The following ALX4 variants were observed in gnomAD, a reference collection of about 807,000 sequenced individuals.
ALX4 encodes the protein ALX homeobox 4.
A neutral mutation model predicts 40.6 loss-of-function variants in ALX4; 22 were observed. That is an observed-to-expected ratio of 0.54 (90% CI 0.39 to 0.77). The LOEUF (loss-of-function observed/expected upper bound fraction) is 0.77. Ranked by LOEUF, ALX4 falls within the 30% of genes least tolerant of loss-of-function variation. ALX4 has a pLI of 0.00. For missense variants in ALX4, 556 were observed against 564.8 expected (o/e 0.98, Z 0.16); for synonymous variants, 266 against 240.5 (o/e 1.11, Z -0.98).
In ALX4 at chr11:44,297,009, C is replaced by CA. The variant is rs60856634; in HGVS notation, c.466+12587dup. 1.1e-3 allele frequency among the ~76,000 whole-genome samples: 93 copies of CA among 86,858 alleles called. 1 individual carries two copies. The highest frequency in any genetic ancestry group is 6.1e-3 in the East Asian group (16 of 2,610). 57.0% of individuals were successfully genotyped at this position (86,858 alleles called of 152,430 possible). ...GGGCAACAAGAGTGAAACTCTGTCT[C>CA]AAAAAAAAAAAAAAAAAAAAAAGGT... On this transcript the variant is annotated intron_variant, in intron 1 of 3. Coordinates refer to ENST00000652299, the MANE Select transcript of ALX4 (RefSeq NM_021926.4).
In ALX4 at chr11:44,275,253, G is replaced by A. The variant is rs574004169; in HGVS notation, c.777+95C>T. ...GAACTGAGGAAAGGAAAGCCATGGT[G>A]TGGTTGGTGGGCAGTCAGGAGACCC... On this transcript the variant is annotated intron_variant, in intron 2 of 3. Transcript: ENST00000652299. 4.0e-3 allele frequency: 5,172 copies of A among 1,282,734 alleles called. 18 individuals are homozygous for A. Among genetic ancestry groups the A allele is most frequent in the Non-Finnish European group, 4.7e-3 (4,149 of 886,808 alleles). The allele number at this position is 1,282,734 out of a possible 1,614,324, so 79.5% of individuals were successfully genotyped here. A position where few individuals can be genotyped will look rare whatever the true frequency, so the allele number is the denominator to read the frequency against.
intron 2 of ALX4, among the ~76,000 whole-genome samples, chr11:44,271,195 G>A (rs1191770867): frequency 6.6e-6 from 1 of 152,102 alleles, no homozygotes; most frequent in Non-Finnish European, 1.5e-5. Context: ...GCTCAACCCA[G>A]AGGTCTGACG....
At position 44,262,700 on chromosome 11, in the gene ALX4, A is replaced by T. The variant is rs552464810; in HGVS notation, c.*2154T>A. 15 of 152,162 alleles carry T rather than the reference A, an allele frequency of 9.9e-5. No homozygotes were observed. The East Asian group carries it at 2.9e-3, about 30-fold the overall frequency. The allele number at this position is 152,162 out of a possible 1,614,324, so 9.4% of individuals were successfully genotyped here. ...CCTGGCTCTCCTCCTCTTTGTCCTG[A>T]TTCTCTCATGGGTGAGAAAGACCCA... On this transcript the variant is annotated 3_prime_UTR_variant, in exon 4 of 4. Coordinates refer to ENST00000652299, the MANE Select transcript of ALX4 (RefSeq NM_021926.4).
intron 1 of ALX4, among the ~76,000 whole-genome samples, chr11:44,284,061 C>T (rs925892794): frequency 6.6e-6 from 1 of 152,040 alleles, no homozygotes; most frequent in Admixed American, 6.5e-5. Context: ...GAAAGGATAG[C>T]GTTTTAACAC....
Position 44,265,141 on chromosome 11 carries a change from G to A in ALX4, c.949C>T (p.Pro317Ser), listed in dbSNP as rs767511619. Residue 317 changes from proline to serine, a missense_variant, in exon 4 of 4, where the codon CCA becomes TCA. Coordinates refer to ENST00000652299, the MANE Select transcript of ALX4 (RefSeq NM_021926.4). Reference sequence around the variant, plus strand: ...CAGGGGACCACGCAGGCTGGCACTGGTGAGGCAGCCCCGTTGTTGCCGAGC... The same window carrying A: ...CAGGGGACCACGCAGGCTGGCACTGATGAGGCAGCCCCGTTGTTGCCGAGC... ...SWLGNNGAASPVPACVVPCDP... is the reference protein window; with the variant it reads ...SWLGNNGAASSVPACVVPCDP... The A allele has an allele frequency of 6.2e-7, 1 of 1,607,746 alleles. No homozygotes were observed. Among genetic ancestry groups the A allele is most frequent in the Non-Finnish European group, 8.5e-7 (1 of 1,176,170 alleles).
At chr11:44,265,458 C>A (rs1300813792) in intron 3 of ALX4, among the ~76,000 whole-genome samples, 2 of 152,102 alleles carry the variant, frequency 1.3e-5, no homozygotes, top group East Asian at 3.9e-4. Flanking sequence ...GGGTGACACC[C>A]CAGCACCCCC....
chr11:44,268,088 A>G (rs1207720187), intron 2 of ALX4, among the ~76,000 whole-genome samples: 1 of 152,160 alleles, frequency 6.6e-6, no homozygotes, highest in African/African-American at 2.4e-5. Flanking sequence ...CAGATTCACA[A>G]TGCCTTCCTC....
chr11:44,266,253 G>A lies in ALX4; in HGVS notation c.907-1070C>T, dbSNP rs931815620. On this transcript the variant is annotated intron_variant, in intron 3 of 3. Transcript: ENST00000652299. ...AGGTGGGGGTAGGAGGGGTGAACAG[G>A]GCCCTGTGTTGGGTTCTCCCTCCAG... Among the ~76,000 whole-genome samples the A allele has an allele frequency of 3.3e-5, 5 of 152,162 alleles. No homozygotes were observed. The East Asian group carries it at 7.7e-4, about 24-fold the overall frequency.
intron 1 of ALX4, among the ~76,000 whole-genome samples, chr11:44,298,109 G>GT (rs1468271521): frequency 6.6e-6 from 1 of 152,222 alleles, no homozygotes; most frequent in Non-Finnish European, 1.5e-5. Context: ...TGAAGGATCT[G>GT]TTGGATGTAA....
intron 2 of ALX4, among the ~76,000 whole-genome samples, chr11:44,271,390 C>A (rs1956246565): frequency 6.6e-6 from 1 of 152,226 alleles, no homozygotes. Context: ...GACTTCCCAC[C>A]TATGGGCCTC....
At chr11:44,266,392 C>T (rs142248677) in intron 3 of ALX4, among the ~76,000 whole-genome samples, 31 of 152,242 alleles carry the variant, frequency 2.0e-4, no homozygotes, top group Admixed American at 1.2e-3. Flanking sequence ...AATGGAAGAA[C>T]ATAGTGCGAG....
At chr11:44,279,128 G>T (rs557750544) in intron 1 of ALX4, among the ~76,000 whole-genome samples, 2 of 152,126 alleles carry the variant, frequency 1.3e-5, no homozygotes, top group Admixed American at 1.3e-4. Context: ...TCCACCTGGC[G>T]CTGGTTCCAG....
intron 1 of ALX4, among the ~76,000 whole-genome samples, chr11:44,278,576 G>T (rs1956291297): frequency 6.6e-6 from 1 of 152,230 alleles, no homozygotes; most frequent in Non-Finnish European, 1.5e-5. Flanking sequence ...ATGGTGACAA[G>T]TAAGGGTCCA....
Position 44,261,373 on chromosome 11 carries a change from A to AGCTGTGT in ALX4, c.*3474_*3480dup, listed in dbSNP as rs1281142498. 2.6e-5 allele frequency: 4 copies of AGCTGTGT among 152,232 alleles called. No individual in the cohort carries two copies. The highest frequency in any genetic ancestry group is 5.9e-5 in the Non-Finnish European group (4 of 68,056). The allele number at this position is 152,232 out of a possible 1,614,324, so 9.4% of individuals were successfully genotyped here. A position where few individuals can be genotyped will look rare whatever the true frequency, so the allele number is the denominator to read the frequency against. ...ACGGAGCTGGGTCCAGTGTGATCACAGCTGTGTGTGCTGGGGACCCACCCC... is the reference window on the plus strand; with the variant it reads ...ACGGAGCTGGGTCCAGTGTGATCACAGCTGTGTGCTGTGTGTGCTGGGGACCCACCCC... On this transcript the variant is annotated 3_prime_UTR_variant, in exon 4 of 4. Coordinates refer to ENST00000652299, the MANE Select transcript of ALX4 (RefSeq NM_021926.4).
chr11:44,278,935 CTT>C (rs1230372950), intron 1 of ALX4, among the ~76,000 whole-genome samples: 1 of 152,212 alleles, frequency 6.6e-6, no homozygotes, highest in East Asian at 1.9e-4. Context: ...TCTAACCTGT[CTT>C]GAGTCAGCTT....
chr11:44,299,317 C>T (rs1006594852), intron 1 of ALX4, among the ~76,000 whole-genome samples: 17 of 150,948 alleles, frequency 1.1e-4, no homozygotes, highest in African/African-American at 3.7e-4. Context: ...TCTGCATCCC[C>T]GGTTGTGAAG....
chr11:44,274,162 T>A (rs183936624), intron 2 of ALX4, among the ~76,000 whole-genome samples: 1 of 152,094 alleles, frequency 6.6e-6, no homozygotes. Flanking sequence ...AAAAAAAATT[T>A]AAAAAATTTT....
At chr11:44,288,584 C>T (rs16937889) in intron 1 of ALX4, among the ~76,000 whole-genome samples, 4,053 of 152,148 alleles carry the variant, frequency 0.027, 175 homozygotes, top group African/African-American at 0.093. Flanking sequence ...TACAAGGGGC[C>T]TTGTACGTTG....
intron 1 of ALX4, among the ~76,000 whole-genome samples, chr11:44,283,140 G>A (rs920710278): frequency 3.3e-5 from 5 of 151,802 alleles, no homozygotes; most frequent in African/African-American, 1.2e-4. Flanking sequence ...CCAGCTACTT[G>A]GGAGGGTGAG....
Sources: gnomAD v4.1 joint callset for allele counts (sites outside exome capture counted in the v4.1 genomes callset) on GRCh38, gnomAD v4.1.1 for gene constraint, MANE v1.5 for transcripts, NCBI Gene and HGNC (gene_info 2026-07-23, HGNC 2026-07-21) for gene names.